Variants in PPP2R2B observed in about 807,000 individuals in gnomAD.
PPP2R2B encodes serine/threonine-protein phosphatase 2A 55 kDa regulatory subunit B beta isoform.
A neutral mutation model predicts 46.0 loss-of-function variants in PPP2R2B; 5 were observed. The observed-to-expected ratio is 0.11, with a 90% confidence interval of 0.06 to 0.23. The LOEUF (loss-of-function observed/expected upper bound fraction) is 0.23. Among genes scored for constraint, PPP2R2B ranks in the 10% least tolerant of loss-of-function variants. The pLI, the probability that PPP2R2B is intolerant of heterozygous loss-of-function variation, is 1.00. For synonymous variants in PPP2R2B, 215 were observed against 206.7 expected, an observed-to-expected ratio of 1.04 and a Z score of -0.34; for missense variants, 367 against 575.0, an observed-to-expected ratio of 0.64 and a Z score of 3.70.
At chr5:146,789,010 G>T (rs1756024433) in intron 2 of PPP2R2B, among the ~76,000 whole-genome samples, 1 of 152,148 alleles carries the variant, frequency 6.6e-6, no homozygotes, top group African/African-American at 2.4e-5. Flanking sequence ...GATCAGTTGG[G>T]ACCAAGATAA....
chr5:146,908,374 A>C (rs138374262), intron 1 of PPP2R2B, among the ~76,000 whole-genome samples: 88 of 152,318 alleles, frequency 5.8e-4, no homozygotes, highest in African/African-American at 2.0e-3. Flanking sequence ...CAACAGGCAC[A>C]CATATTCTAC....
intron 2 of PPP2R2B, among the ~76,000 whole-genome samples, chr5:146,791,845 C>T (rs1412864821): frequency 6.6e-6 from 1 of 152,162 alleles, no homozygotes; most frequent in East Asian, 1.9e-4. Flanking sequence ...CAATAATCCC[C>T]TGACTTTCCC....
intron 5 of PPP2R2B, among the ~76,000 whole-genome samples, chr5:146,670,873 T>C (rs939304889): frequency 2.6e-5 from 4 of 152,224 alleles, no homozygotes; most frequent in Admixed American, 2.0e-4. Flanking sequence ...CTGTAACACA[T>C]GGAAAACCAG....
Position 146,794,423 on chromosome 5 carries a change from A to G in PPP2R2B, c.70+83579T>C, listed in dbSNP as rs969433799. ...GACCCAAGCTTATTCAGATAACTTTACCTAATGATAGTTGCAATCAAAGTG... is the reference window on the plus strand; with the variant it reads ...GACCCAAGCTTATTCAGATAACTTTGCCTAATGATAGTTGCAATCAAAGTG... On this transcript the variant is annotated intron_variant, in intron 2 of 9. Coordinates refer to ENST00000394411, the MANE Select transcript of PPP2R2B (RefSeq NM_181675.4). Among the ~76,000 whole-genome samples, 18 of 152,234 alleles carry G rather than the reference A, an allele frequency of 1.2e-4. 1 individual carries two copies. The highest frequency in any genetic ancestry group is 1.5e-4 in the Non-Finnish European group (10 of 68,030).
intron 2 of PPP2R2B, among the ~76,000 whole-genome samples, chr5:146,741,344 C>T (rs1752865213): frequency 1.3e-5 from 2 of 152,094 alleles, no homozygotes; most frequent in Admixed American, 6.5e-5. Context: ...CCTTCTAAAA[C>T]ATTTTCTTAT....
intron 1 of PPP2R2B, among the ~76,000 whole-genome samples, chr5:146,967,527 G>C (rs77381881): frequency 0.027 from 4,151 of 152,250 alleles, 99 homozygotes; most frequent in Middle Eastern, 0.051. Flanking sequence ...CAGAGCGCTG[G>C]TTTGAACCTA....
intron 5 of PPP2R2B, among the ~76,000 whole-genome samples, chr5:146,687,116 G>A (rs976883041): frequency 2.6e-5 from 4 of 151,540 alleles, no homozygotes; most frequent in African/African-American, 4.9e-5. Context: ...GGGAGAGAGA[G>A]GGAGCGATTG....
Position 147,068,352 on chromosome 5 carries a change from C to T in PPP2R2B, c.50+12707G>A, listed in dbSNP as rs190652069. ...GTCTATTCAAAGTGACACAGAAAGT[C>T]GTTTCATTGGGATTCAAACCCAGGC... On this transcript the variant is annotated intron_variant, in intron 2 of 10. Transcript: ENST00000394413. Among the ~76,000 whole-genome samples the T allele has an allele frequency of 1.5e-4, 23 of 152,226 alleles. No individual in the cohort carries two copies. In the East Asian group the frequency reaches 3.9e-3, roughly 26 times the overall value.
chr5:146,857,293 A>C (rs1430909042), intron 2 of PPP2R2B, among the ~76,000 whole-genome samples: 2 of 152,316 alleles, frequency 1.3e-5, no homozygotes, highest in Admixed American at 1.3e-4. Context: ...AACTATGAAA[A>C]AGGTGATATA....
chr5:146,938,521 TAATTTA>T (rs1158235311), intron 1 of PPP2R2B, among the ~76,000 whole-genome samples: 1 of 152,164 alleles, frequency 6.6e-6, no homozygotes, highest in Non-Finnish European at 1.5e-5. Context: ...AAAGAAATAC[TAATTTA>T]AATTTAAAAA....
intron 1 of PPP2R2B, among the ~76,000 whole-genome samples, chr5:147,022,537 T>A (rs1755331240): frequency 6.7e-6 from 1 of 149,284 alleles, no homozygotes; most frequent in African/African-American, 2.5e-5. Flanking sequence ...TCCAGCCTGG[T>A]GACAGAGCAA....
intron 2 of PPP2R2B, among the ~76,000 whole-genome samples, chr5:146,705,931 CTCT>C (rs1779810730): frequency 6.7e-6 from 1 of 148,726 alleles, no homozygotes; most frequent in Non-Finnish European, 1.5e-5. Context: ...TATATCTTTT[CTCT>C]TTTTTTTTTT....
rs1775892867 is a variant in PPP2R2B, at chr5:146,650,666, G to A, written c.506C>T (p.Ala169Val). The change falls in exon 6 of 10, where the codon GCC (alanine) becomes GTC (valine). Residue 169 changes from alanine to valine, a missense_variant. This residue lies in a region of PPP2R2B where 361 missense variants were observed against 545.5 expected (regional missense o/e 0.66). Transcript: ENST00000394411. ...GTTGATGTGATATGTGTGTGCGTTGGCAAATACTCTTCGTGGGGTGGCCTC... is the reference window on the plus strand; with the variant it reads ...GTTGATGTGATATGTGTGTGCGTTGACAAATACTCTTCGTGGGGTGGCCTC... Reference protein sequence around the residue: ...MVEATPRRVFANAHTYHINSI... With the variant: ...MVEATPRRVFVNAHTYHINSI... 1 of 1,614,002 alleles carries A rather than the reference G, an allele frequency of 6.2e-7. No individual in the cohort carries two copies. The highest frequency in any genetic ancestry group is 8.5e-7 in the Non-Finnish European group (1 of 1,179,932).
chr5:147,076,310 G>A (rs1306508190), intron 2 of PPP2R2B, among the ~76,000 whole-genome samples: 1 of 151,564 alleles, frequency 6.6e-6, no homozygotes, highest in Non-Finnish European at 1.5e-5. Flanking sequence ...CTCCATTTTG[G>A]TAAAAAAAAA....
In PPP2R2B at chr5:146,664,334, T is replaced by C. The variant is rs543046689; in HGVS notation, c.448-13610A>G. ...TTTATTAACACAGCTTTATTAATATTGACGTGATATTCTAAATCCTTTGTT... is the reference window on the plus strand; with the variant it reads ...TTTATTAACACAGCTTTATTAATATCGACGTGATATTCTAAATCCTTTGTT... On this transcript the variant is annotated intron_variant, in intron 5 of 9. Transcript: ENST00000394411. Among the ~76,000 whole-genome samples, 18 of 152,302 alleles carry C rather than the reference T, an allele frequency of 1.2e-4. No homozygotes were observed. The South Asian group carries it at 3.7e-3, about 32-fold the overall frequency.
chr5:146,998,549 C>CTGT (rs1754024189), intron 1 of PPP2R2B, among the ~76,000 whole-genome samples: 1 of 152,122 alleles, frequency 6.6e-6, no homozygotes, highest in African/African-American at 2.4e-5. Context: ...CATTTGCAGC[C>CTGT]TTCTAGAAAA....
chr5:147,076,838 C>G (rs1300406838), intron 2 of PPP2R2B, among the ~76,000 whole-genome samples: 1 of 151,996 alleles, frequency 6.6e-6, no homozygotes, highest in Non-Finnish European at 1.5e-5. Flanking sequence ...ATCTTTACAA[C>G]CCTCTCACTT....
At chr5:146,853,107 C>T (rs1231220779) in intron 2 of PPP2R2B, among the ~76,000 whole-genome samples, 1 of 152,062 alleles carries the variant, frequency 6.6e-6, no homozygotes, top group Non-Finnish European at 1.5e-5. Flanking sequence ...GGAGCAAACC[C>T]ATGGTCCAAC....
intron 2 of PPP2R2B, among the ~76,000 whole-genome samples, chr5:146,845,916 C>T (rs988431365): frequency 6.6e-6 from 1 of 152,112 alleles, no homozygotes; most frequent in Non-Finnish European, 1.5e-5. Flanking sequence ...TAACCACGGG[C>T]CACTATTGCT....
Sources: allele counts gnomAD v4.1 joint callset (sites outside exome capture counted in the v4.1 genomes callset), GRCh38; gene constraint gnomAD v4.1.1; regional missense constraint gnomAD v4.1.1; transcripts MANE v1.5; gene names NCBI Gene and HGNC (gene_info 2026-07-23, HGNC 2026-07-21).